Variants in KCNH1 observed in about 807,000 individuals in gnomAD.
KCNH1 encodes potassium voltage-gated channel subfamily H member 1.
Under a neutral mutation model 69.2 loss-of-function variants are expected in KCNH1, and 27 were observed. The observed-to-expected ratio is 0.39, with a 90% confidence interval of 0.29 to 0.54. KCNH1 has a LOEUF of 0.54. KCNH1 is among the 20% of genes least tolerant of loss of function. KCNH1 has a pLI of 0.68. For synonymous variants in KCNH1, 456 were observed against 487.7 expected (o/e 0.93, Z 0.86); for missense variants, 798 against 1,261.6 (o/e 0.63, Z 5.57).
chr1:211,000,189 A>G (rs187314994), intron 6 of KCNH1, among the ~76,000 whole-genome samples: 1 of 152,316 alleles, frequency 6.6e-6, no homozygotes, highest in African/African-American at 2.4e-5. Flanking sequence ...AAAGAAATAA[A>G]GAGTATTCAT....
chr1:211,050,843 C>A (rs539771409), intron 5 of KCNH1, among the ~76,000 whole-genome samples: 4 of 152,108 alleles, frequency 2.6e-5, no homozygotes. Context: ...TACTGAGGTC[C>A]CTACCAAGGG....
intron 8 of KCNH1, among the ~76,000 whole-genome samples, chr1:210,798,831 T>C (rs911994852): frequency 2.6e-5 from 4 of 152,164 alleles, no homozygotes; most frequent in African/African-American, 9.7e-5. Flanking sequence ...GGACTGAATA[T>C]AGGGTGTTAT....
chr1:211,033,818 G>A (rs549417373), intron 5 of KCNH1, among the ~76,000 whole-genome samples: 1 of 152,220 alleles, frequency 6.6e-6, no homozygotes, highest in African/African-American at 2.4e-5. Context: ...AATGTTAAAT[G>A]ATTAGTTAAT....
intron 5 of KCNH1, among the ~76,000 whole-genome samples, chr1:211,068,338 A>G (rs1304855577): frequency 6.6e-6 from 1 of 152,258 alleles, no homozygotes; most frequent in East Asian, 1.9e-4. Flanking sequence ...TAAATGCCTT[A>G]GAAGCCATCA....
chr1:210,823,073 T>A (rs553024541), intron 7 of KCNH1, among the ~76,000 whole-genome samples: 18 of 152,280 alleles, frequency 1.2e-4, no homozygotes, highest in Admixed American at 5.9e-4. Flanking sequence ...CAGTGATTCC[T>A]CTCTGTGTGA....
rs569071726 is a variant in KCNH1, at chr1:210,789,800, T to C, written c.1915+7708A>G. On this transcript the variant is annotated intron_variant, in intron 9 of 10. Transcript: ENST00000271751. The stretch of plus-strand genomic sequence containing the variant: ...ATGTTTTTCCCTCACATAACTGAGA[T>C]CATATTGCATTTTAAAAATTGTATT... 6.5e-4 allele frequency among the ~76,000 whole-genome samples: 99 copies of C among 152,368 alleles called. 1 individual carries two copies. Among genetic ancestry groups the C allele is most frequent in the African/African-American group, 2.4e-3 (99 of 41,596 alleles).
In KCNH1 at chr1:210,762,754, C is replaced by A. The variant is rs181597930; in HGVS notation, c.2112+12594G>T. ...AAAAAACCTGCCAACCAACAAAAGC[C>A]CTGGACCAGATGGATTCACAGCCAA... On this transcript the variant is annotated intron_variant, in intron 10 of 10. Coordinates refer to ENST00000271751, the MANE Select transcript of KCNH1 (RefSeq NM_172362.3). Among the ~76,000 whole-genome samples the A allele has an allele frequency of 1.0e-3, 156 of 151,938 alleles. 1 individual carries two copies. The highest frequency in any genetic ancestry group is 3.5e-3 in the African/African-American group (147 of 41,436).
intron 10 of KCNH1, among the ~76,000 whole-genome samples, chr1:210,763,251 A>T (rs2102354010): frequency 6.6e-6 from 1 of 152,316 alleles, no homozygotes; most frequent in South Asian, 2.1e-4. Context: ...TCTATGACAG[A>T]TCCACAGCCA....
chr1:210,798,689 A>G lies in KCNH1; in HGVS notation c.1663-929T>C, dbSNP rs375780249. 3.9e-5 allele frequency among the ~76,000 whole-genome samples: 6 copies of G among 152,344 alleles called. No individual in the cohort carries two copies. In the South Asian group the frequency reaches 6.2e-4, roughly 16 times the overall value. ...TGTCAAGAGTCTAGTCAAGGAATCTAGTTAGGTCCCTCCTGCAGCTGTCCA... is the reference window on the plus strand; with the variant it reads ...TGTCAAGAGTCTAGTCAAGGAATCTGGTTAGGTCCCTCCTGCAGCTGTCCA... On this transcript the variant is annotated intron_variant, in intron 8 of 10. Coordinates refer to ENST00000271751, the MANE Select transcript of KCNH1 (RefSeq NM_172362.3).
intron 5 of KCNH1, among the ~76,000 whole-genome samples, chr1:211,074,604 T>A (rs150938587): frequency 6.6e-6 from 1 of 152,318 alleles, no homozygotes; most frequent in African/African-American, 2.4e-5. Context: ...CTGTAATAAT[T>A]CTATGTATCA....
chr1:210,840,715 A>G lies in KCNH1; in HGVS notation c.1463-36549T>C, dbSNP rs542272960. Among the ~76,000 whole-genome samples, 5 of 152,332 alleles carry G rather than the reference A, an allele frequency of 3.3e-5. No homozygotes were observed. The East Asian group carries it at 9.6e-4, about 29-fold the overall frequency. ...GAAGCTAAATTTGTTTTCAAGGGAT[A>G]GCCTGCATTAGCAGTTTTCAGCTTT... On this transcript the variant is annotated intron_variant, in intron 7 of 10. Coordinates refer to ENST00000271751, the MANE Select transcript of KCNH1 (RefSeq NM_172362.3).
chr1:210,695,481 C>G (rs975871707), intron 10 of KCNH1, among the ~76,000 whole-genome samples: 3 of 152,170 alleles, frequency 2.0e-5, no homozygotes, highest in African/African-American at 7.2e-5. Flanking sequence ...ATTTTAGCAC[C>G]TGAGACTATC....
intron 7 of KCNH1, among the ~76,000 whole-genome samples, chr1:210,823,734 T>C (rs569770503): frequency 3.9e-5 from 6 of 152,254 alleles, no homozygotes; most frequent in African/African-American, 1.4e-4. Flanking sequence ...GAAACTGAAA[T>C]AGAGAGAGGT....
At chr1:211,006,341 G>A (rs1689283487) in intron 6 of KCNH1, among the ~76,000 whole-genome samples, 1 of 152,152 alleles carries the variant, frequency 6.6e-6, no homozygotes, top group Admixed American at 6.5e-5. Flanking sequence ...ATTGAAGTAT[G>A]TTCACACAAG....
At chr1:210,750,958 T>G (rs1397649903) in intron 10 of KCNH1, among the ~76,000 whole-genome samples, 1 of 152,226 alleles carries the variant, frequency 6.6e-6, no homozygotes, top group Non-Finnish European at 1.5e-5. Flanking sequence ...TTCTGGCACC[T>G]AGTCCAGGGC....
chr1:210,985,198 A>G (rs960871175), intron 6 of KCNH1, among the ~76,000 whole-genome samples: 45 of 152,068 alleles, frequency 3.0e-4, no homozygotes, highest in African/African-American at 1.0e-3. Context: ...TCTTGCTAGT[A>G]GTCTATCAAT....
At chr1:210,852,758 AT>A (rs1158225809) in intron 7 of KCNH1, among the ~76,000 whole-genome samples, 2 of 152,220 alleles carry the variant, frequency 1.3e-5, no homozygotes, top group African/African-American at 4.8e-5. Context: ...AAATCATTCC[AT>A]GGTTCCCTTA....
intron 7 of KCNH1, among the ~76,000 whole-genome samples, chr1:210,899,531 A>G (rs907633059): frequency 6.6e-6 from 1 of 152,084 alleles, no homozygotes; most frequent in African/African-American, 2.4e-5. Context: ...CATACAAACA[A>G]AAGCTCTTTG....
At chr1:211,014,078 G>A (rs1486254688) in intron 6 of KCNH1, among the ~76,000 whole-genome samples, 1 of 152,216 alleles carries the variant, frequency 6.6e-6, no homozygotes, top group Non-Finnish European at 1.5e-5. Flanking sequence ...TACAGAGCCA[G>A]GGATAGAAAA....
Sources: gnomAD v4.1 joint callset for allele counts (sites outside exome capture counted in the v4.1 genomes callset) on GRCh38, gnomAD v4.1.1 for gene constraint, MANE v1.5 for transcripts, NCBI Gene and HGNC (gene_info 2026-07-23, HGNC 2026-07-21) for gene names.